VWF: variants seen among roughly 807,000 people sequenced by gnomAD.
The protein encoded by VWF is Factor VIII related antigen.
A neutral mutation model predicts 308.6 loss-of-function variants in VWF; 176 were observed. That is an observed-to-expected ratio of 0.57 (90% CI 0.50 to 0.65). The LOEUF is 0.65. Among genes scored for constraint, VWF ranks in the 30% least tolerant of loss-of-function variants. The pLI is 0.00. For missense variants in VWF, 3,146 were observed against 3,648.2 expected, an observed-to-expected ratio of 0.86 and a Z score of 3.55; for synonymous variants, 1,385 against 1,443.4, an observed-to-expected ratio of 0.96 and a Z score of 0.92.
Position 5,961,959 on chromosome 12 carries a change from A to AT in VWF, c.7887+5526dup, listed in dbSNP as rs888256257. 2.7e-5 allele frequency among the ~76,000 whole-genome samples: 4 copies of AT among 146,638 alleles called. No individual in the cohort carries two copies. In the South Asian group the frequency reaches 6.5e-4, roughly 24 times the overall value. ...CTCTCCTGAGTGAATTTGTGCTGTT[A>AT]TTTAAAAAAAAAAAAAGTCAAAGGG... On this transcript the variant is annotated intron_variant, in intron 47 of 51. Transcript: ENST00000261405.
Position 6,024,520 on chromosome 12 carries a change from T to C in VWF, c.3223-733A>G, listed in dbSNP as rs1007380682. On this transcript the variant is annotated intron_variant, in intron 24 of 51. Transcript: ENST00000261405. The surrounding 1 kb of genome is among the most constrained non-coding windows in gnomAD (Gnocchi z 4.0). ...CCAAACCAGGGAATGTAAGTATCCT[T>C]TGGAGTCCTCAGAGACCGAAAATCA... is the stretch of plus-strand genomic sequence containing the variant. Among the ~76,000 whole-genome samples the C allele has an allele frequency of 6.6e-6, 1 of 152,224 alleles. No individual in the cohort carries two copies.
rs150870926 is a variant in VWF at position 6,024,790 on chromosome 12, G to A, written c.3222+790C>T. ...TGTAATCCCAGCACTTTGGGAGGCC[G>A]AGGTGGGTAGATCACCTGAGTCAGG... On this transcript the variant is annotated intron_variant, in intron 24 of 51. Transcript: ENST00000261405. The surrounding 1 kb of genome is among the most constrained non-coding windows in gnomAD (Gnocchi z 4.0). 8.8e-4 allele frequency among the ~76,000 whole-genome samples: 134 copies of A among 152,322 alleles called. No individual in the cohort carries two copies. The highest frequency in any genetic ancestry group is 1.6e-3 in the Non-Finnish European group (106 of 68,030).
intron 6 of VWF, among the ~76,000 whole-genome samples, chr12:6,094,222 GT>G (rs1163220167): frequency 1.3e-5 from 2 of 152,228 alleles, no homozygotes; most frequent in Non-Finnish European, 2.9e-5. Context: ...AATGCCTACT[GT>G]TTTAAGCCAT....
intron 44 of VWF, among the ~76,000 whole-genome samples, chr12:5,970,902 T>A (rs1241687202): frequency 6.6e-6 from 1 of 152,222 alleles, no homozygotes; most frequent in African/African-American, 2.4e-5. Flanking sequence ...GAACTGTGAT[T>A]CTCCTAGCAT....
intron 45 of VWF, 25 bp from the exon 46 acceptor site, chr12:5,968,192 G>T: frequency 6.2e-7 from 1 of 1,613,778 alleles, no homozygotes; most frequent in South Asian, 1.1e-5. Context: ...AGTGCAGAGT[G>T]AGAGTGGGCA....
At position 6,011,849 on chromosome 12, in the gene VWF, T is replaced by G. The variant is rs1943998850; in HGVS notation, c.5665-55A>C. The G allele has an allele frequency of 2.0e-6, 3 of 1,465,380 alleles. No homozygotes were observed. In the Admixed American group the frequency reaches 5.2e-5, roughly 25 times the overall value. The allele number at this position is 1,465,380 out of a possible 1,614,324, so 90.8% of individuals were successfully genotyped here. ...GGAATAAGATGAGGTACTCCAACTC[T>G]AAGCCCATCTGCCAGACAACTGACC... On this transcript the variant is annotated intron_variant, in intron 33 of 51. Coordinates refer to ENST00000261405, the MANE Select transcript of VWF (RefSeq NM_000552.5).
At chr12:6,074,367 C>A (rs1482292195) in intron 7 of VWF, among the ~76,000 whole-genome samples, 1 of 151,932 alleles carries the variant, frequency 6.6e-6, no homozygotes, top group Non-Finnish European at 1.5e-5. Flanking sequence ...GACATTCAGG[C>A]TGACTGAAAG....
intron 32 of VWF, among the ~76,000 whole-genome samples, chr12:6,012,639 T>C (rs1201437009): frequency 6.6e-6 from 1 of 150,886 alleles, no homozygotes; most frequent in Non-Finnish European, 1.5e-5. Flanking sequence ...TTACATCTAG[T>C]AACGGGAAAA....
rs548501470 is a variant in VWF at position 5,963,964 on chromosome 12, T to C, written c.7887+3522A>G. Among the ~76,000 whole-genome samples, 71 of 152,212 alleles carry C rather than the reference T, an allele frequency of 4.7e-4. No individual in the cohort carries two copies. In the Middle Eastern group the frequency reaches 0.014, roughly 29 times the overall value. ...GGCTCACGCCTGTAATCCCAGCACT[T>C]TGGGAGGCCAAGGTGGGCAGATCAC... On this transcript the variant is annotated intron_variant, in intron 47 of 51. Coordinates refer to ENST00000261405, the MANE Select transcript of VWF (RefSeq NM_000552.5).
rs118113362 is a variant in VWF, at chr12:6,075,913, G to C, written c.658-362C>G. Among the ~76,000 whole-genome samples, 2,651 of 152,326 alleles carry C rather than the reference G, an allele frequency of 0.017. 41 individuals are homozygous for C. Among genetic ancestry groups the C allele is most frequent in the South Asian group, 0.062 (301 of 4,832 alleles). ...GGTGGCTGCAGAGTCCAGGAATGCT[G>C]TCAGCATCGGTTCTGCACTGACCTG... On this transcript the variant is annotated intron_variant, in intron 6 of 51. Coordinates refer to ENST00000261405, the MANE Select transcript of VWF (RefSeq NM_000552.5). This position sits in a 1 kb window ranked among gnomAD's most constrained non-coding sequence, Gnocchi z 4.7.
Position 6,062,966 on chromosome 12 carries a change from C to T in VWF, c.1521G>A (p.Arg507=). The T allele has an allele frequency of 3.1e-6, 5 of 1,612,716 alleles. No individual in the cohort carries two copies. Among genetic ancestry groups the T allele is most frequent in the Non-Finnish European group, 3.4e-6 (4 of 1,179,978 alleles). The change falls in exon 13 of 52, where the codon AGG becomes AGA. Residue 507 remains arginine (R), a synonymous_variant. Transcript: ENST00000261405. ...DLQMDWDGRG[R]LLVKLSPVYA... is the part of the protein sequence containing the mutation. ...TGAGGGCACCTACCTTCACCAGCAG[C>T]CTCCCGCGGCCATCCCAGTCCATCT...
chr12:6,096,129 ATGGATG>A (rs1565388184), intron 5 of VWF, among the ~76,000 whole-genome samples: 2 of 151,892 alleles, frequency 1.3e-5, no homozygotes. Context: ...GGATGGATGG[ATGGATG>A]GATGGATGGA....
intron 14 of VWF, among the ~76,000 whole-genome samples, 176 bp downstream of exon 14, chr12:6,057,673 G>C (rs1160709378): frequency 6.7e-6 from 1 of 149,346 alleles, no homozygotes; most frequent in Admixed American, 6.7e-5. Flanking sequence ...GGACTTTGAA[G>C]AGCAAATGGC....
chr12:5,966,945 G>A (rs764967673), intron 47 of VWF, among the ~76,000 whole-genome samples: 2 of 152,284 alleles, frequency 1.3e-5, no homozygotes, highest in African/African-American at 2.4e-5. Context: ...AACTAGGAAC[G>A]AGGAGTCCAC....
At position 6,056,901 on chromosome 12, in the gene VWF, G is replaced by A. The variant is rs761282513; in HGVS notation, c.1901C>T (p.Ala634Val). The stretch of plus-strand genomic sequence containing the variant: ...CCACGCGACGCGCACGCCTCTCCCC[G>A]CGCAGGCCGCGGCATAGCTGGCCAG... ...GALASYAAAC[A>V]GRGVRVAWRE... Residue 634 changes from alanine to valine, a missense_variant, in exon 15 of 52, where the codon GCG (alanine) becomes GTG (valine). By Grantham distance (64) the Ala-to-Val change is moderately conservative (BLOSUM62 0). Around this residue, in one of 3 missense-constraint regions of VWF, gnomAD observed 1,304 missense variants for 1,353.0 expected, o/e 0.96. Coordinates refer to ENST00000261405, the MANE Select transcript of VWF (RefSeq NM_000552.5). The A allele has an allele frequency of 2.6e-4, 395 of 1,522,774 alleles. 3 individuals are homozygous for A. The highest frequency in any genetic ancestry group is 1.4e-3 in the South Asian group (114 of 82,514). The allele number at this position is 1,522,774 out of a possible 1,614,324, so 94.3% of individuals were successfully genotyped here. A position where few individuals can be genotyped will look rare whatever the true frequency, so the allele number is the denominator to read the frequency against.
At position 6,092,620 on chromosome 12, in the gene VWF, T is replaced by TGAGAGAGAGAGAGA. The variant is rs1250915385; in HGVS notation, c.657+2839_657+2840insTCTCTCTCTCTCTC. Among the ~76,000 whole-genome samples, 91 of 89,690 alleles carry TGAGAGAGAGAGAGA rather than the reference T, an allele frequency of 1.0e-3. 3 individuals are homozygous for TGAGAGAGAGAGAGA. The highest frequency in any genetic ancestry group is 4.7e-3 in the African/African-American group (79 of 16,792). 58.8% of individuals were successfully genotyped at this position (89,690 alleles called of 152,430 possible). A position where few individuals can be genotyped will look rare whatever the true frequency, so the allele number is the denominator to read the frequency against. ...CAGCTAGTTAGTGAGTGAGTGAGAG[T>TGAGAGAGAGAGAGA]GTGTGTGTGTGTGTGTGTGTGTGTG... On this transcript the variant is annotated intron_variant, in intron 6 of 51. Transcript: ENST00000261405.
At chr12:6,111,818 C>T (rs1056620507) in intron 3 of VWF, among the ~76,000 whole-genome samples, 1 of 151,732 alleles carries the variant, frequency 6.6e-6, no homozygotes, top group Non-Finnish European at 1.5e-5. Flanking sequence ...ATTAGCCAGG[C>T]GAGGTGGCTG....
chr12:6,071,593 AC>A (rs1944783237), intron 9 of VWF, among the ~76,000 whole-genome samples: 1 of 152,152 alleles, frequency 6.6e-6, no homozygotes, highest in South Asian at 2.1e-4. Flanking sequence ...AAAAAAAACT[AC>A]CTGATCCCCC....
At chr12:6,025,332 A>G (rs1055412592) in intron 24 of VWF, among the ~76,000 whole-genome samples, 1 of 152,256 alleles carries the variant, frequency 6.6e-6, no homozygotes, top group African/African-American at 2.4e-5. Flanking sequence ...AAGCATTGGC[A>G]CATGCCAAGG....
Sources: allele counts gnomAD v4.1 joint callset (sites outside exome capture counted in the v4.1 genomes callset), GRCh38; gene constraint gnomAD v4.1.1; regional missense constraint gnomAD v4.1.1; non-coding constraint Gnocchi (gnomAD v3.1); transcripts MANE v1.5; gene names NCBI Gene and HGNC (gene_info 2026-07-23, HGNC 2026-07-21).